Variants in WDR48 observed in about 807,000 individuals in gnomAD.
WDR48 encodes WD repeat domain 48, also known as WD repeat-containing protein 48.
WDR48 carries 22 observed loss-of-function variants against 94.0 expected under a neutral mutation model. That is an observed-to-expected ratio of 0.23 (90% CI 0.17 to 0.33). The LOEUF is 0.33. Among genes scored for constraint, WDR48 ranks in the 10% least tolerant of loss-of-function variants. WDR48 has a pLI of 1.00. For missense variants in WDR48, 541 were observed against 813.8 expected (o/e 0.66, Z 4.08); for synonymous variants, 278 against 280.5 (o/e 0.99, Z 0.09).
chr3:39,066,456 T>G, intron 3 of WDR48, 92 bp from the exon 4 acceptor site: 1 of 1,056,686 alleles, frequency 9.5e-7, no homozygotes. Flanking sequence ...GAGAATATGT[T>G]AGTTTGAAAT....
In WDR48 at chr3:39,091,634, C is replaced by T; in HGVS notation, c.1678C>T (p.Pro560Ser). ...VIDITVDKNM[P>S]KFNKIPFYLQ... is the part of the protein sequence containing the mutation. ...ACTTTTACTGTTTCAGAAAAATATG[C>T]CCAAATTCAACAAAATTCCTTTCTA... Residue 560 changes from proline to serine, a missense_variant, in exon 17 of 19, where the codon CCC becomes TCC. Coordinates refer to ENST00000302313, the MANE Select transcript of WDR48 (RefSeq NM_020839.4). 1.2e-6 allele frequency: 2 copies of T among 1,604,206 alleles called. No homozygotes were observed. Among genetic ancestry groups the T allele is most frequent in the South Asian group, 1.1e-5 (1 of 88,616 alleles).
At chr3:39,084,054 C>T in intron 11 of WDR48, 101 bp from the exon 12 acceptor site, 1 of 783,020 alleles carries the variant, frequency 1.3e-6, no homozygotes, top group Non-Finnish European at 2.0e-6. Flanking sequence ...GACTGTTTCA[C>T]TTAGACACAT....
At position 39,095,394 on chromosome 3, in the gene WDR48, T is replaced by C. The variant is rs996627654; in HGVS notation, c.*651T>C. ...ATTCCAGGTGCTGGATCATAGCACT[T>C]GGACTGTTGGGCCGGAGTTTGTGCA... On this transcript the variant is annotated 3_prime_UTR_variant, in exon 19 of 19. Transcript: ENST00000302313. 1 of 152,634 alleles carries C rather than the reference T, an allele frequency of 6.6e-6. No individual in the cohort carries two copies. Among genetic ancestry groups the C allele is most frequent in the African/African-American group, 2.4e-5 (1 of 41,466 alleles). 9.5% of individuals were successfully genotyped at this position (152,634 alleles called of 1,614,324 possible).
chr3:39,069,999 G>T (rs1434467961), intron 7 of WDR48, among the ~76,000 whole-genome samples: 2 of 152,148 alleles, frequency 1.3e-5, no homozygotes, highest in Admixed American at 6.5e-5. Context: ...GTGCATAGGG[G>T]CTAAAATAAC....
chr3:39,066,462 G>T, intron 3 of WDR48, 86 bp from the exon 4 acceptor site: 1 of 1,145,768 alleles, frequency 8.7e-7, no homozygotes. Flanking sequence ...ATGTTAGTTT[G>T]AAATAATGTT....
At chr3:39,071,891 C>T (rs1370095314) in intron 7 of WDR48, among the ~76,000 whole-genome samples, 1 of 152,064 alleles carries the variant, frequency 6.6e-6, no homozygotes, top group African/African-American at 2.4e-5. Context: ...AATTGACCAA[C>T]AAAAAACTAT....
intron 13 of WDR48, 106 bp from the exon 14 acceptor site, chr3:39,085,409 T>C (rs1196546831): frequency 1.9e-5 from 17 of 906,150 alleles, no homozygotes; most frequent in African/African-American, 6.7e-5. Context: ...GGGTTAAGAA[T>C]GTAACATCAG....
intron 16 of WDR48, 42 bp from the exon 17 acceptor site, chr3:39,091,583 C>T (rs1338353721): frequency 7.1e-7 from 1 of 1,399,620 alleles, no homozygotes; most frequent in African/African-American, 1.5e-5. Context: ...CATTTATCAA[C>T]TAATAGAAAC....
chr3:39,056,448 A>G (rs1283563155), intron 1 of WDR48, among the ~76,000 whole-genome samples: 1 of 152,206 alleles, frequency 6.6e-6, no homozygotes, highest in Non-Finnish European at 1.5e-5. Flanking sequence ...TTCTAGATCG[A>G]AGGGGCTTTC....
chr3:39,064,476 T>C (rs2033474577), intron 2 of WDR48, among the ~76,000 whole-genome samples: 2 of 152,114 alleles, frequency 1.3e-5, no homozygotes, highest in South Asian at 4.1e-4. Context: ...GGTTTCACCA[T>C]GTGGGTCAGG....
At position 39,084,205 on chromosome 3, in the gene WDR48, G is replaced by A; in HGVS notation, c.1224G>A (p.Lys408=). Residue 408 remains lysine, a synonymous_variant, in exon 12 of 19, where the codon AAG becomes AAA. Transcript: ENST00000302313. ...LGKVDFEDEI[K]KRFKMVYVPN... The stretch of plus-strand genomic sequence containing the variant: ...AAGTGGATTTTGAAGATGAAATTAA[G>A]AAAAGATTTAAAATGGTGTATGTGC... The A allele has an allele frequency of 6.2e-7, 1 of 1,612,502 alleles. No individual in the cohort carries two copies. Among genetic ancestry groups the A allele is most frequent in the Non-Finnish European group, 8.5e-7 (1 of 1,179,072 alleles).
chr3:39,058,913 A>G (rs906984802), intron 1 of WDR48, among the ~76,000 whole-genome samples: 1 of 152,064 alleles, frequency 6.6e-6, no homozygotes, highest in African/African-American at 2.4e-5. Context: ...TGTCTCTACT[A>G]AAAATACAAA....
chr3:39,052,265 C>T, intron 1 of WDR48, 192 bp downstream of exon 1: 1 of 629,464 alleles, frequency 1.6e-6, no homozygotes, highest in Admixed American at 3.4e-5. Context: ...GCTTGCTTGG[C>T]CCTTGGGGCC....
chr3:39,052,102 G>A (rs774114829), intron 1 of WDR48, 29 bp downstream of exon 1: 2 of 1,612,518 alleles, frequency 1.2e-6, no homozygotes, highest in Non-Finnish European at 1.7e-6. Flanking sequence ...TCGGTCTTCC[G>A]GACGCGGCCG....
intron 3 of WDR48, 124 bp from the exon 4 acceptor site, chr3:39,066,424 G>A (rs1235047310): frequency 2.5e-6 from 2 of 798,184 alleles, no homozygotes; most frequent in African/African-American, 3.5e-5. Flanking sequence ...GAGCTTTTAG[G>A]TATGTTTGTG....
chr3:39,084,998 C>T (rs1203552109), intron 13 of WDR48, among the ~76,000 whole-genome samples: 3 of 152,244 alleles, frequency 2.0e-5, no homozygotes, highest in Admixed American at 6.5e-5. Context: ...GAGGCCGAGG[C>T]GGGTGGATCA....
chr3:39,071,760 A>G (rs549700979), intron 7 of WDR48, among the ~76,000 whole-genome samples: 1 of 152,222 alleles, frequency 6.6e-6, no homozygotes, highest in African/African-American at 2.4e-5. Flanking sequence ...TATGGACTAA[A>G]TGTAAAATTA....
chr3:39,078,331 T>C, intron 10 of WDR48, 92 bp downstream of exon 10: 1 of 872,298 alleles, frequency 1.1e-6, no homozygotes, highest in South Asian at 1.5e-5. Flanking sequence ...TTTCTTTAAA[T>C]ATAATCCTGA....
chr3:39,088,340 T>G, intron 15 of WDR48, 107 bp downstream of exon 15: 1 of 1,117,736 alleles, frequency 8.9e-7, no homozygotes, highest in African/African-American at 1.6e-5. Flanking sequence ...TATTATTAAA[T>G]TCTAGGGATG....
Sources: allele counts gnomAD v4.1 joint callset (sites outside exome capture counted in the v4.1 genomes callset), GRCh38; gene constraint gnomAD v4.1.1; transcripts MANE v1.5; gene names NCBI Gene and HGNC (gene_info 2026-07-23, HGNC 2026-07-21).